PPHLN1: variants seen among roughly 807,000 people sequenced by gnomAD.
The protein encoded by PPHLN1 is periphilin-1.
PPHLN1 carries 29 observed loss-of-function variants against 51.3 expected under a neutral mutation model. That is an observed-to-expected ratio of 0.57 (90% CI 0.42 to 0.77). The LOEUF (loss-of-function observed/expected upper bound fraction) is 0.77, where lower values mean the gene tolerates loss of function less well. PPHLN1 is among the 30% of genes least tolerant of loss of function. PPHLN1 has a pLI of 0.00. For synonymous variants in PPHLN1, 147 were observed against 147.8 expected, an observed-to-expected ratio of 0.99 and a Z score of 0.04; for missense variants, 436 against 438.4, an observed-to-expected ratio of 0.99 and a Z score of 0.05.
chr12:42,427,336 T>C (rs2081590344), intron 9 of PPHLN1, among the ~76,000 whole-genome samples: 1 of 152,130 alleles, frequency 6.6e-6, no homozygotes. Flanking sequence ...AAAAGAAAAG[T>C]CTGGAGGCAT....
intron 9 of PPHLN1, among the ~76,000 whole-genome samples, chr12:42,412,745 G>A (rs1236941159): frequency 2.6e-5 from 4 of 152,182 alleles, no homozygotes; most frequent in African/African-American, 9.7e-5. Context: ...CCCACCAGCT[G>A]AGTAAAAGTA....
At chr12:42,341,386 G>A (rs1467694688) in intron 2 of PPHLN1, among the ~76,000 whole-genome samples, 2 of 152,076 alleles carry the variant, frequency 1.3e-5, no homozygotes, top group Non-Finnish European at 2.9e-5. Flanking sequence ...AACGTGAAGT[G>A]GTGACTGTTG....
intron 2 of PPHLN1, among the ~76,000 whole-genome samples, chr12:42,346,062 C>T (rs2072272913): frequency 6.6e-6 from 1 of 152,104 alleles, no homozygotes; most frequent in African/African-American, 2.4e-5. Context: ...TATTCATCAT[C>T]CCACATAGTT....
rs936964943 is a variant in PPHLN1 at position 42,441,727 on chromosome 12, C to T, written c.*218C>T. The stretch of plus-strand genomic sequence containing the variant: ...GTAGAGATGGGGTTCACCATGTTGG[C>T]CAGGCTAGTCTCTAACTCCTGGCCT... On this transcript the variant is annotated 3_prime_UTR_variant, in exon 10 of 10. Coordinates refer to ENST00000358314, the MANE Select transcript of PPHLN1 (RefSeq NM_201439.2). 1.4e-5 allele frequency: 17 copies of T among 1,183,844 alleles called. No individual in the cohort carries two copies. In the African/African-American group the frequency reaches 2.4e-4, roughly 17 times the overall value. 73.3% of individuals were successfully genotyped at this position (1,183,844 alleles called of 1,614,324 possible).
intron 9 of PPHLN1, among the ~76,000 whole-genome samples, chr12:42,413,226 A>G (rs1392139570): frequency 6.6e-6 from 1 of 152,152 alleles, no homozygotes; most frequent in African/African-American, 2.4e-5. Context: ...GTTATCTTCT[A>G]GAATTTTTAT....
At chr12:42,441,223 A>G in intron 9 of PPHLN1, 92 bp from the exon 10 acceptor site, 1 of 1,433,576 alleles carries the variant, frequency 7.0e-7, no homozygotes, top group Non-Finnish European at 9.3e-7. Context: ...TCTCTTTTAG[A>G]TGTCAGCATC....
chr12:42,426,879 C>T (rs1478061775), intron 9 of PPHLN1, among the ~76,000 whole-genome samples: 3 of 152,128 alleles, frequency 2.0e-5, no homozygotes, highest in African/African-American at 4.8e-5. Context: ...TGTCTCTGAC[C>T]TCTTTGGTGG....
At chr12:42,369,741 C>T (rs1320617677) in intron 4 of PPHLN1, among the ~76,000 whole-genome samples, 1 of 152,148 alleles carries the variant, frequency 6.6e-6, no homozygotes, top group African/African-American at 2.4e-5. Flanking sequence ...CTCCTAATTC[C>T]TTGATTCTTG....
intron 9 of PPHLN1, among the ~76,000 whole-genome samples, chr12:42,426,227 C>T (rs2081473545): frequency 7.3e-6 from 1 of 137,492 alleles, no homozygotes; most frequent in African/African-American, 3.1e-5. Context: ...CACACACACA[C>T]ACCCTCATGC....
At chr12:42,348,271 G>A (rs923169579) in intron 2 of PPHLN1, among the ~76,000 whole-genome samples, 1 of 111,614 alleles carries the variant, frequency 9.0e-6, no homozygotes, top group Non-Finnish European at 1.8e-5. Flanking sequence ...CACCTCACCT[G>A]GCTAATTTTT....
At chr12:42,356,923 A>T (rs2074106448) in intron 4 of PPHLN1, among the ~76,000 whole-genome samples, 1 of 152,202 alleles carries the variant, frequency 6.6e-6, no homozygotes, top group East Asian at 1.9e-4. Context: ...TTATGCAGAA[A>T]ATCTAGGAAA....
rs1174230198 is a variant in PPHLN1 at position 42,441,801 on chromosome 12, T to C, written c.*292T>C. ...TCTCAAAGTGTTGAGATTACAGGCGTGAGCCACCGCTCCCTGCCCAACACA... is the reference window on the plus strand; with the variant it reads ...TCTCAAAGTGTTGAGATTACAGGCGCGAGCCACCGCTCCCTGCCCAACACA... On this transcript the variant is annotated 3_prime_UTR_variant, in exon 10 of 10. Transcript: ENST00000358314. The C allele has an allele frequency of 1.8e-6, 2 of 1,108,028 alleles. No individual in the cohort carries two copies. The highest frequency in any genetic ancestry group is 3.3e-5 in the African/African-American group (2 of 61,216). The allele number at this position is 1,108,028 out of a possible 1,614,324, so 68.6% of individuals were successfully genotyped here.
chr12:42,417,245 T>C (rs577295483), intron 9 of PPHLN1, among the ~76,000 whole-genome samples: 1 of 152,308 alleles, frequency 6.6e-6, no homozygotes, highest in South Asian at 2.1e-4. Context: ...ACAGAATAAC[T>C]GATAAAGCAA....
chr12:42,354,205 A>C (rs1203161813), intron 3 of PPHLN1, among the ~76,000 whole-genome samples: 1 of 152,104 alleles, frequency 6.6e-6, no homozygotes, highest in Non-Finnish European at 1.5e-5. Flanking sequence ...ATATTGTATT[A>C]TTCTATGTAT....
chr12:42,374,989 C>A lies in PPHLN1; in HGVS notation c.426C>A (p.His142Gln), dbSNP rs544230813. The change falls in exon 5 of 10, where the codon CAC becomes CAA. Residue 142 changes from histidine to glutamine, a missense_variant. Transcript: ENST00000358314. ...CTGTTGGCCGAAAGGATTCTCCACA[C>A]AGCAGATCTGGTTCCAGTGTCAGTA... Reference protein sequence around the residue: ...ESPVGRKDSPHSRSGSSVSSR... With the variant: ...ESPVGRKDSPQSRSGSSVSSR... 1 of 1,614,016 alleles carries A rather than the reference C, an allele frequency of 6.2e-7. No homozygotes were observed. Among genetic ancestry groups the A allele is most frequent in the Non-Finnish European group, 8.5e-7 (1 of 1,179,954 alleles).
At chr12:42,421,959 GA>G (rs1254663477) in intron 9 of PPHLN1, among the ~76,000 whole-genome samples, 2 of 152,076 alleles carry the variant, frequency 1.3e-5, no homozygotes, top group African/African-American at 4.8e-5. Flanking sequence ...AAATAGGCTA[GA>G]AGCAAAACTG....
intron 5 of PPHLN1, among the ~76,000 whole-genome samples, chr12:42,383,921 TTGCAC>T (rs1332019394): frequency 2.3e-5 from 3 of 132,030 alleles, no homozygotes; most frequent in African/African-American, 8.3e-5. Context: ...GGGGCGGAGG[TTGCAC>T]TGAACTGAGA....
At chr12:42,362,802 G>A (rs1449195273) in intron 4 of PPHLN1, among the ~76,000 whole-genome samples, 2 of 152,222 alleles carry the variant, frequency 1.3e-5, no homozygotes, top group Admixed American at 1.3e-4. Context: ...CTCCATGGGT[G>A]TCTTGCACTC....
chr12:42,375,107 A>T, intron 5 of PPHLN1, 33 bp downstream of exon 5: 3 of 1,480,956 alleles, frequency 2.0e-6, no homozygotes, highest in Non-Finnish European at 2.8e-6. Flanking sequence ...TTTTTCTCTC[A>T]CAGTCTCCTC....
Sources: allele counts gnomAD v4.1 joint callset (sites outside exome capture counted in the v4.1 genomes callset), GRCh38; gene constraint gnomAD v4.1.1; transcripts MANE v1.5; gene names NCBI Gene and HGNC (gene_info 2026-07-23, HGNC 2026-07-21).